Variants in CCDC30 observed in about 807,000 individuals in gnomAD.
The protein encoded by CCDC30 is coiled-coil domain containing 30.
A neutral mutation model predicts 100.2 loss-of-function variants in CCDC30; 70 were observed. The ratio of observed to expected loss-of-function variants is 0.70; its 90% confidence interval spans 0.58 to 0.85. CCDC30 has a LOEUF of 0.85. Among genes scored for constraint, CCDC30 ranks in the 40% least tolerant of loss-of-function variants. The probability of loss-of-function intolerance (pLI) is 0.00; values close to 1 mark genes in which losing one functional copy is unlikely to be tolerated. For missense variants in CCDC30, 652 were observed against 771.2 expected, an observed-to-expected ratio of 0.85 and a Z score of 1.83; for synonymous variants, 233 against 269.5, an observed-to-expected ratio of 0.86 and a Z score of 1.33.
At chr1:42,649,411 T>C (rs993880708) in intron 15 of CCDC30, among the ~76,000 whole-genome samples, 3 of 152,290 alleles carry the variant, frequency 2.0e-5, no homozygotes, top group African/African-American at 7.2e-5. Context: ...CCTTTCATGA[T>C]AAAAACTCTC....
At chr1:42,545,542 G>A in intron 6 of CCDC30, 1 of 1,605,894 alleles carries the variant, frequency 6.2e-7, no homozygotes, top group Non-Finnish European at 8.5e-7. Flanking sequence ...TTTGGAAACA[G>A]AAATTCAAAG....
Position 42,536,909 on chromosome 1 carries a change from A to G in CCDC30, c.457-29387A>G, listed in dbSNP as rs2148521255. On this transcript the variant is annotated intron_variant, in intron 6 of 16. Coordinates refer to ENST00000668663, the Ensembl canonical transcript of CCDC30. ...AGCTCTGGTGTCTCTTCCTCTTCCT[A>G]TAAAGGCACTAACCCTATTGGATTA... The G allele has an allele frequency of 1.6e-5, 6 of 364,614 alleles. 1 individual carries two copies. The South Asian group carries it at 1.7e-4, about 10-fold the overall frequency. The allele number at this position is 364,614 out of a possible 1,614,324, so 22.6% of individuals were successfully genotyped here.
upstream of CCDC30, among the ~76,000 whole-genome samples, chr1:42,462,135 C>T (rs1476067789): frequency 6.6e-6 from 1 of 152,050 alleles, no homozygotes; most frequent in East Asian, 1.9e-4. Context: ...CAGTGTTCTA[C>T]ATGAAATTAT....
intron 2 of CCDC30, among the ~76,000 whole-genome samples, chr1:42,481,913 C>T (rs1643964900): frequency 6.6e-6 from 1 of 152,040 alleles, no homozygotes; most frequent in Admixed American, 6.6e-5. Context: ...GAACACAGTA[C>T]AGCCTTTAAA....
intron 1 of CCDC30, chr1:42,467,706 T>C (rs935417627): frequency 3.9e-5 from 6 of 152,148 alleles, no homozygotes; most frequent in Non-Finnish European, 5.9e-5. Context: ...GCTTAAAGAG[T>C]AGGCCCTCAG....
intron 7 of CCDC30, among the ~76,000 whole-genome samples, chr1:42,572,615 GT>G (rs1469721067): frequency 6.6e-6 from 1 of 151,900 alleles, no homozygotes; most frequent in African/African-American, 2.4e-5. Context: ...ATGTATTTAT[GT>G]ATTTGCTTAT....
rs763999453 is a variant in CCDC30 at position 42,536,488 on chromosome 1, A to C, written c.457-29808A>C. The stretch of plus-strand genomic sequence containing the variant: ...ATGCTTTTTACAGATCCTGAAAATG[A>C]GCCAAGAAAAAAATGAAATGTTTGA... On this transcript the variant is annotated intron_variant, in intron 6 of 16. Coordinates refer to ENST00000668663, the Ensembl canonical transcript of CCDC30. 19 of 1,605,050 alleles carry C rather than the reference A, an allele frequency of 1.2e-5. No individual in the cohort carries two copies. In the East Asian group the frequency reaches 4.2e-4, roughly 36 times the overall value.
At chr1:42,563,417 C>T (rs1335236057) in intron 6 of CCDC30, among the ~76,000 whole-genome samples, 3 of 151,558 alleles carry the variant, frequency 2.0e-5, no homozygotes, top group Non-Finnish European at 2.9e-5. Flanking sequence ...GAGAATACAT[C>T]GACACAGAGA....
intron 1 of CCDC30, among the ~76,000 whole-genome samples, chr1:42,476,482 G>A (rs1643882509): frequency 1.3e-5 from 2 of 152,216 alleles, no homozygotes; most frequent in South Asian, 4.2e-4. Flanking sequence ...CCTGAGGTGG[G>A]GAGTTCGAGA....
At chr1:42,638,052 G>A in intron 12 of CCDC30, among the ~76,000 whole-genome samples, 1 of 152,158 alleles carries the variant, frequency 6.6e-6, no homozygotes, top group East Asian at 1.9e-4. Context: ...TACCACCACT[G>A]TGTGCCAAGG....
At chr1:42,555,727 C>T (rs1284748437) in intron 6 of CCDC30, among the ~76,000 whole-genome samples, 1 of 152,158 alleles carries the variant, frequency 6.6e-6, no homozygotes, top group Non-Finnish European at 1.5e-5. Flanking sequence ...CACTCTGTCA[C>T]CCAGGCTGGA....
At chr1:42,466,742 A>C (rs529787704) in intron 1 of CCDC30, among the ~76,000 whole-genome samples, 3 of 151,708 alleles carry the variant, frequency 2.0e-5, no homozygotes, top group African/African-American at 7.2e-5. Flanking sequence ...AGTAGAGATG[A>C]GGTTTCCCCA....
At chr1:42,527,679 G>A (rs761775813) in intron 6 of CCDC30, among the ~76,000 whole-genome samples, 1 of 152,012 alleles carries the variant, frequency 6.6e-6, no homozygotes, top group South Asian at 2.1e-4. Context: ...ATAAAGAAAA[G>A]CAGACTGAAT....
chr1:42,512,540 C>T (rs1287372217), intron 6 of CCDC30, among the ~76,000 whole-genome samples: 2 of 152,190 alleles, frequency 1.3e-5, no homozygotes, highest in East Asian at 1.9e-4. Context: ...TCTTGCCTAA[C>T]AGGATCACTT....
In CCDC30 at chr1:42,467,523, A is replaced by G. The variant is rs189561828; in HGVS notation, c.-92+3625A>G. ...TTCTGGCTTGGGAAACTATGTTGACAGTGATTTTAACTATGAAATAGAGAA... is the reference window on the plus strand; with the variant it reads ...TTCTGGCTTGGGAAACTATGTTGACGGTGATTTTAACTATGAAATAGAGAA... On this transcript the variant is annotated intron_variant, in intron 1 of 16. Coordinates refer to ENST00000668663, the Ensembl canonical transcript of CCDC30. Among the ~76,000 whole-genome samples, 4 of 152,328 alleles carry G rather than the reference A, an allele frequency of 2.6e-5. 1 individual carries two copies. In the East Asian group the frequency reaches 7.7e-4, roughly 29 times the overall value.
chr1:42,512,316 T>G (rs1644490238), intron 6 of CCDC30, among the ~76,000 whole-genome samples: 2 of 152,246 alleles, frequency 1.3e-5, no homozygotes, highest in Non-Finnish European at 2.9e-5. Context: ...GGGGCCAGTT[T>G]ATGGCCAGAT....
chr1:42,458,189 A>G, the CCDC30 span, among the ~76,000 whole-genome samples: 1 of 152,202 alleles, frequency 6.6e-6, no homozygotes, highest in East Asian at 1.9e-4. Context: ...TAAGGGACAC[A>G]TAAGTAGGAG....
At chr1:42,555,153 C>T (rs897759306) in intron 6 of CCDC30, among the ~76,000 whole-genome samples, 4 of 152,178 alleles carry the variant, frequency 2.6e-5, no homozygotes, top group South Asian at 2.1e-4. Flanking sequence ...ATTATTACAA[C>T]AGTCTCTCAA....
At chr1:42,600,493 A>ACACATTCTT (rs570940491) in intron 10 of CCDC30, among the ~76,000 whole-genome samples, 57 of 152,314 alleles carry the variant, frequency 3.7e-4, no homozygotes, top group Non-Finnish European at 7.4e-4. Flanking sequence ...ACAGCAGATT[A>ACACATTCTT]CACATTCTTC....
Sources: gnomAD v4.1 joint callset for allele counts (sites outside exome capture counted in the v4.1 genomes callset) on GRCh38, gnomAD v4.1.1 for gene constraint, MANE v1.5 for transcripts, NCBI Gene and HGNC (gene_info 2026-07-23, HGNC 2026-07-21) for gene names.